OSBPL3: variants seen among roughly 807,000 people sequenced by gnomAD.
OSBPL3 encodes the protein oxysterol-binding protein-related protein 3.
Under a neutral mutation model 120.1 loss-of-function variants are expected in OSBPL3, and 65 were observed. That is an observed-to-expected ratio of 0.54 (90% CI 0.44 to 0.67). The LOEUF is 0.67. Among genes scored for constraint, OSBPL3 ranks in the 30% least tolerant of loss-of-function variants. The pLI is 0.00. For synonymous variants in OSBPL3, 416 were observed against 402.6 expected (o/e 1.03, Z -0.40); for missense variants, 1,004 against 1,082.1 (o/e 0.93, Z 1.01).
At position 24,861,724 on chromosome 7, in the gene OSBPL3, G is replaced by T; in HGVS notation, c.916C>A (p.Pro306Thr). The T allele has an allele frequency of 6.2e-7, 1 of 1,611,638 alleles. No homozygotes were observed. Among genetic ancestry groups the T allele is most frequent in the Non-Finnish European group, 8.5e-7 (1 of 1,178,242 alleles). Residue 306 changes from proline (P) to threonine (T), a missense_variant, in exon 10 of 23, where the codon CCT (proline) becomes ACT (threonine). Pro to Thr is a conservative substitution (Grantham distance 38, BLOSUM62 -1). This residue lies in a region of OSBPL3 where 272 missense variants were observed against 248.8 expected (regional missense o/e 1.09). Transcript: ENST00000313367. ...SGPVRLHSSN[P>T]NLSTLDFGEE... ...CCAAAATCTAGTGTTGACAAATTAG[G>T]ATTGGAGGAGTGTAGTCTTACTGGG...
Position 24,883,572 on chromosome 7 carries a change from T to C in OSBPL3, c.96+8805A>G, listed in dbSNP as rs1337265051. Among the ~76,000 whole-genome samples the C allele has an allele frequency of 1.3e-5, 2 of 152,310 alleles. No individual in the cohort carries two copies. The highest frequency in any genetic ancestry group is 1.9e-4 in the East Asian group (1 of 5,192). ...ACTGCCAACCATGAATAAATATATT[T>C]ATTTTCTTAAGGCATCCCATGCAGT... On this transcript the variant is annotated intron_variant, in intron 2 of 22. Transcript: ENST00000313367. This position sits in a 1 kb window ranked among gnomAD's most constrained non-coding sequence, Gnocchi z 5.4.
At chr7:24,865,511 C>A (rs761947034) in intron 6 of OSBPL3, 46 bp from the exon 7 acceptor site, 2 of 1,595,360 alleles carry the variant, frequency 1.3e-6, no homozygotes, top group Middle Eastern at 1.7e-4. Context: ...AAACAGAGCC[C>A]ATTGGGGACA....
In OSBPL3 at chr7:24,834,021, C is replaced by T; in HGVS notation, c.1746+465G>A. The T allele has an allele frequency of 2.5e-6, 2 of 814,464 alleles. No homozygotes were observed. The allele number at this position is 814,464 out of a possible 1,614,324, so 50.5% of individuals were successfully genotyped here. ...AACCTCCTCTTGTGAACTTTATTTT[C>T]CAAAAACCTAGGAGCTGATGGGACA... On this transcript the variant is annotated intron_variant, in intron 15 of 22. Coordinates refer to ENST00000313367, the MANE Select transcript of OSBPL3 (RefSeq NM_015550.4). The surrounding 1 kb of genome is among the most constrained non-coding windows in gnomAD (Gnocchi z 5.2).
rs1448423969 is a variant in OSBPL3 at position 24,852,589 on chromosome 7, C to G, written c.1073G>C (p.Arg358Thr). ...CTCCATCAGCTGCTTCAGTTTCTCT[C>G]TCTCCGCTGACATGATATTAAAAGC... ...RSAFNIMSAE[R>T]EKLKQLMEQD... The change falls in exon 11 of 23, where the codon AGA becomes ACA. Residue 358 changes from arginine (R) to threonine (T), a missense_variant. Coordinates refer to ENST00000313367, the MANE Select transcript of OSBPL3 (RefSeq NM_015550.4). The surrounding 1 kb of genome is among the most constrained non-coding windows in gnomAD (Gnocchi z 4.1). The G allele has an allele frequency of 2.5e-6, 4 of 1,609,890 alleles. No homozygotes were observed. The African/African-American group carries it at 5.3e-5, about 22-fold the overall frequency.
chr7:24,958,341 T>G (rs1815318923), intron 1 of OSBPL3, among the ~76,000 whole-genome samples: 3 of 152,302 alleles, frequency 2.0e-5, no homozygotes, highest in Admixed American at 6.5e-5. Flanking sequence ...TTTTTTTGAT[T>G]GATAGTCTCT....
At position 24,822,182 on chromosome 7, in the gene OSBPL3, T is replaced by TA. The variant is rs1371332914; in HGVS notation, c.1885-1945dup. On this transcript the variant is annotated intron_variant, in intron 16 of 22. Coordinates refer to ENST00000313367, the MANE Select transcript of OSBPL3 (RefSeq NM_015550.4). This position sits in a 1 kb window ranked among gnomAD's most constrained non-coding sequence, Gnocchi z 5.8. Reference sequence around the variant, plus strand: ...AGCCACCATATCCAGTTATCTTTTTTAAAAAAATCCTACCACTTGGAGATA... The same window carrying TA: ...AGCCACCATATCCAGTTATCTTTTTTAAAAAAAATCCTACCACTTGGAGATA... Among the ~76,000 whole-genome samples, 2 of 152,176 alleles carry TA rather than the reference T, an allele frequency of 1.3e-5. No homozygotes were observed. Among genetic ancestry groups the TA allele is most frequent in the African/African-American group, 4.8e-5 (2 of 41,446 alleles).
chr7:24,865,264 A>C (rs1355604400), intron 7 of OSBPL3, 78 bp downstream of exon 7: 4 of 1,468,172 alleles, frequency 2.7e-6, no homozygotes, highest in Non-Finnish European at 3.7e-6. Context: ...GAAGGACACA[A>C]ATGAATCTGA....
rs1294225565 is a variant in OSBPL3, at chr7:24,813,021, G to C, written c.2172+2038C>G. 1.3e-5 allele frequency among the ~76,000 whole-genome samples: 2 copies of C among 152,154 alleles called. No individual in the cohort carries two copies. The highest frequency in any genetic ancestry group is 4.8e-5 in the African/African-American group (2 of 41,436). ...AGCCTCTCCAGCAGCTGGGACTACA[G>C]GTGCATGCCACCGTGTCTGGCTAAT... On this transcript the variant is annotated intron_variant, in intron 19 of 22. Coordinates refer to ENST00000313367, the MANE Select transcript of OSBPL3 (RefSeq NM_015550.4). This position sits in a 1 kb window ranked among gnomAD's most constrained non-coding sequence, Gnocchi z 4.5.
At chr7:24,801,672 C>T (rs556787780) in intron 22 of OSBPL3, among the ~76,000 whole-genome samples, 1 of 152,216 alleles carries the variant, frequency 6.6e-6, no homozygotes, top group African/African-American at 2.4e-5. Context: ...TTTATTGGAA[C>T]ATGGCCATGT....
chr7:24,953,132 G>T lies in OSBPL3; in HGVS notation c.-150+26754C>A, dbSNP rs1013075645. On this transcript the variant is annotated intron_variant, in intron 1 of 22. Coordinates refer to ENST00000313367, the MANE Select transcript of OSBPL3 (RefSeq NM_015550.4). This position sits in a 1 kb window ranked among gnomAD's most constrained non-coding sequence, Gnocchi z 4.3. ...AGCCTGGACGACAGAGTGAGACCCC[G>T]TCTCTAAAAGGTAAATAAATACATA... Among the ~76,000 whole-genome samples, 1 of 152,118 alleles carries T rather than the reference G, an allele frequency of 6.6e-6. No homozygotes were observed. Among genetic ancestry groups the T allele is most frequent in the South Asian group, 2.1e-4 (1 of 4,818 alleles).
At chr7:24,975,218 T>C (rs969462766) in intron 1 of OSBPL3, among the ~76,000 whole-genome samples, 5 of 152,218 alleles carry the variant, frequency 3.3e-5, no homozygotes, top group Non-Finnish European at 5.9e-5. Flanking sequence ...AAAATATTTA[T>C]TCTACAGACA....
At position 24,851,662 on chromosome 7, in the gene OSBPL3, G is replaced by T. The variant is rs963113789; in HGVS notation, c.1158+842C>A. On this transcript the variant is annotated intron_variant, in intron 11 of 22. Transcript: ENST00000313367. The surrounding 1 kb of genome is among the most constrained non-coding windows in gnomAD (Gnocchi z 4.1). ...CTCTTTCTAAAGTAGGAATTCCAAA[G>T]TACAAGAAAAGAGTAAAAGCAAATC... Among the ~76,000 whole-genome samples the T allele has an allele frequency of 6.6e-6, 1 of 151,498 alleles. No individual in the cohort carries two copies. Among genetic ancestry groups the T allele is most frequent in the African/African-American group, 2.4e-5 (1 of 41,192 alleles).
chr7:24,952,699 G>A lies in OSBPL3; in HGVS notation c.-150+27187C>T, dbSNP rs889097060. ...ATTACATCAACTCTATAGAGATTAT[G>A]GTAAGGTTATTTCCAGGATTCTAGG... On this transcript the variant is annotated intron_variant, in intron 1 of 22. Transcript: ENST00000313367. The surrounding 1 kb of genome is among the most constrained non-coding windows in gnomAD (Gnocchi z 4.4). Among the ~76,000 whole-genome samples, 1 of 152,140 alleles carries A rather than the reference G, an allele frequency of 6.6e-6. No homozygotes were observed. Among genetic ancestry groups the A allele is most frequent in the Non-Finnish European group, 1.5e-5 (1 of 68,030 alleles).
chr7:24,860,730 C>G lies in OSBPL3; in HGVS notation c.1027+883G>C, dbSNP rs187011250. 5.3e-3 allele frequency among the ~76,000 whole-genome samples: 802 copies of G among 152,316 alleles called. 6 individuals carry two copies. The highest frequency in any genetic ancestry group is 0.014 in the Admixed American group (210 of 15,294). On this transcript the variant is annotated intron_variant, in intron 10 of 22. Coordinates refer to ENST00000313367, the MANE Select transcript of OSBPL3 (RefSeq NM_015550.4). ...CTGTCAGCATAACGTCCCTGAGATC[C>G]ATCCAAGTTGCTATGTATATCAATA...
At chr7:24,861,477 TAAAGA>T in intron 10 of OSBPL3, 131 bp downstream of exon 10, 1 of 559,802 alleles carries the variant, frequency 1.8e-6, no homozygotes, top group South Asian at 3.7e-5. Context: ...GGAAATAAAA[TAAAGA>T]TTAGGTTTCC....
At chr7:24,962,847 C>G (rs1053840799) in intron 1 of OSBPL3, among the ~76,000 whole-genome samples, 1 of 152,190 alleles carries the variant, frequency 6.6e-6, no homozygotes, top group African/African-American at 2.4e-5. Context: ...GAGTTTCTGT[C>G]ACTTGCAAAC....
chr7:24,919,617 C>T (rs751335492), intron 1 of OSBPL3, among the ~76,000 whole-genome samples: 6 of 151,868 alleles, frequency 4.0e-5, no homozygotes, highest in South Asian at 2.1e-4. Context: ...TTCTGATATA[C>T]GGCACTTAAA....
chr7:24,963,874 G>A (rs1816078957), intron 1 of OSBPL3, among the ~76,000 whole-genome samples: 1 of 152,078 alleles, frequency 6.6e-6, no homozygotes, highest in African/African-American at 2.4e-5. Context: ...GCAAAAAAAT[G>A]ATTCTAGAGG....
intron 1 of OSBPL3, among the ~76,000 whole-genome samples, chr7:24,920,097 T>C (rs1296386546): frequency 1.3e-5 from 2 of 152,054 alleles, no homozygotes; most frequent in Non-Finnish European, 2.9e-5. Context: ...TTCCTGAAAA[T>C]GTTAAACATG....
Sources: gnomAD v4.1 joint callset for allele counts (sites outside exome capture counted in the v4.1 genomes callset) on GRCh38, gnomAD v4.1.1 for gene constraint, gnomAD v4.1.1 regional missense constraint, Gnocchi (gnomAD v3.1) non-coding constraint, MANE v1.5 for transcripts, NCBI Gene and HGNC (gene_info 2026-07-23, HGNC 2026-07-21) for gene names.